Variants in ATP10B observed in about 807,000 individuals in gnomAD.
The protein encoded by ATP10B is phospholipid-transporting ATPase VB.
Under a neutral mutation model 141.2 loss-of-function variants are expected in ATP10B, and 122 were observed. The ratio of observed to expected loss-of-function variants is 0.86; its 90% CI spans 0.75 to 1.00. ATP10B has a LOEUF of 1.00. Ranked by LOEUF, ATP10B falls within the 50% of genes least tolerant of loss-of-function variation. The pLI, the probability that ATP10B is intolerant of heterozygous loss-of-function variation, is 0.00. For missense variants in ATP10B, 1,876 were observed against 1,825.3 expected, an observed-to-expected ratio of 1.03 and a Z score of -0.51; for synonymous variants, 685 against 692.0, an observed-to-expected ratio of 0.99 and a Z score of 0.16.
At chr5:160,770,818 T>C (rs1401106950) in intron 2 of ATP10B, among the ~76,000 whole-genome samples, 1 of 152,216 alleles carries the variant, frequency 6.6e-6, no homozygotes, top group Non-Finnish European at 1.5e-5. Flanking sequence ...TAAATAGTAT[T>C]AAGTAAACTA....
intron 2 of ATP10B, among the ~76,000 whole-genome samples, chr5:160,770,939 C>T (rs1021630027): frequency 1.3e-5 from 2 of 152,202 alleles, no homozygotes; most frequent in Admixed American, 1.3e-4. Context: ...ATTGGGTGGA[C>T]ACCATACACT....
chr5:160,609,159 T>C (rs1051483237), intron 18 of ATP10B, among the ~76,000 whole-genome samples: 1 of 152,190 alleles, frequency 6.6e-6, no homozygotes, highest in Non-Finnish European at 1.5e-5. Context: ...ACAGTGTTTC[T>C]TCATCCATGG....
At chr5:160,582,272 C>A (rs1211320289) in intron 24 of ATP10B, among the ~76,000 whole-genome samples, 1 of 152,182 alleles carries the variant, frequency 6.6e-6, no homozygotes, top group East Asian at 1.9e-4. Context: ...TATGTTTTTG[C>A]AGTGGCTGCT....
chr5:160,719,990 A>C (rs994288505), intron 2 of ATP10B, among the ~76,000 whole-genome samples: 1 of 152,216 alleles, frequency 6.6e-6, no homozygotes, highest in African/African-American at 2.4e-5. Context: ...TTGCAGCATC[A>C]ACAAATGGCA....
chr5:160,598,914 G>C lies in ATP10B; in HGVS notation c.3420C>G (p.Thr1140=). 6.2e-7 allele frequency: 1 copy of C among 1,614,178 alleles called. No individual in the cohort carries two copies. The highest frequency in any genetic ancestry group is 1.7e-5 in the Admixed American group (1 of 60,022). Residue 1140 remains threonine (T), a synonymous_variant, in exon 22 of 26, where the codon ACC becomes ACG. Coordinates refer to ENST00000327245, the MANE Select transcript of ATP10B (RefSeq NM_025153.3). ...ATATCATCTGCCAGTAATCAATCAT[G>C]GTGGAGCTGGAGAAACCACAGAAGA... ...YQFFCGFSSS[T]MIDYWQMIFF... is the part of the protein sequence containing the mutation.
At chr5:160,894,105 G>C in the ATP10B span, among the ~76,000 whole-genome samples, 5 of 152,050 alleles carry the variant, frequency 3.3e-5, no homozygotes, top group African/African-American at 1.2e-4. Context: ...GCACAAAAAG[G>C]CTGAAAATTG....
chr5:160,749,271 T>C (rs1561813925), intron 2 of ATP10B, among the ~76,000 whole-genome samples: 1 of 152,188 alleles, frequency 6.6e-6, no homozygotes, highest in South Asian at 2.1e-4. Flanking sequence ...ACAGCTCTGT[T>C]ACACATAAGG....
rs563389499 is a variant in ATP10B, at chr5:160,828,164, T to A, written c.-576+23777A>T. Among the ~76,000 whole-genome samples, 624 of 151,660 alleles carry A rather than the reference T, an allele frequency of 4.1e-3. 5 individuals carry two copies. The highest frequency in any genetic ancestry group is 0.015 in the African/African-American group (596 of 41,040). ...CATAGGCATGGGCAAGGACTTCATG[T>A]CTAAAACACCAAAAGCAATGGCAAC... On this transcript the variant is annotated intron_variant, in intron 1 of 25. Transcript: ENST00000327245.
At chr5:160,752,838 G>C (rs1308019889) in intron 2 of ATP10B, among the ~76,000 whole-genome samples, 1 of 152,142 alleles carries the variant, frequency 6.6e-6, no homozygotes, top group Admixed American at 6.6e-5. Flanking sequence ...AGAACATTTG[G>C]GGTTTCTAAG....
chr5:160,583,892 GT>G (rs1755712258), intron 24 of ATP10B, among the ~76,000 whole-genome samples: 1 of 152,208 alleles, frequency 6.6e-6, no homozygotes, highest in South Asian at 2.1e-4. Flanking sequence ...CCAAGCTGGA[GT>G]GTACCAGGTC....
intron 24 of ATP10B, among the ~76,000 whole-genome samples, chr5:160,582,484 C>G (rs1719374376): frequency 6.6e-6 from 1 of 152,196 alleles, no homozygotes; most frequent in Non-Finnish European, 1.5e-5. Flanking sequence ...TCTCTCCTGG[C>G]TTGTAGGATT....
intron 6 of ATP10B, among the ~76,000 whole-genome samples, chr5:160,680,782 A>T (rs911311538): frequency 9.9e-5 from 15 of 152,222 alleles, no homozygotes; most frequent in Non-Finnish European, 1.9e-4. Flanking sequence ...AGTTAGTACA[A>T]TCCCATCTCT....
At chr5:160,864,018 AAAG>A in the ATP10B span, among the ~76,000 whole-genome samples, 275 of 152,188 alleles carry the variant, frequency 1.8e-3, no homozygotes, top group Non-Finnish European at 2.0e-3. Flanking sequence ...TCAGGCATTC[AAAG>A]AAGAATTGGT....
the ATP10B span, among the ~76,000 whole-genome samples, chr5:160,928,668 G>A: frequency 6.6e-6 from 1 of 152,044 alleles, no homozygotes; most frequent in Non-Finnish European, 1.5e-5. Context: ...GCTTCAATAA[G>A]CTCTCACCAT....
At chr5:160,634,223 A>G in intron 12 of ATP10B, 131 bp downstream of exon 12, 1 of 1,280,238 alleles carries the variant, frequency 7.8e-7, no homozygotes, top group Non-Finnish European at 1.1e-6. Flanking sequence ...ACAGGGATAC[A>G]GGAAGCAACT....
chr5:160,620,292 G>A (rs1758251697), intron 15 of ATP10B, 55 bp downstream of exon 15: 3 of 1,536,844 alleles, frequency 2.0e-6, no homozygotes, highest in East Asian at 2.3e-5. Flanking sequence ...ATTCCACACT[G>A]CTTCTTAAAC....
chr5:160,927,276 C>T, the ATP10B span, among the ~76,000 whole-genome samples: 2 of 152,146 alleles, frequency 1.3e-5, no homozygotes, highest in African/African-American at 4.8e-5. Flanking sequence ...AAAGGGTGCA[C>T]TTTCAGCTTT....
Position 160,818,581 on chromosome 5 carries a change from G to A in ATP10B, c.-575-32778C>T, listed in dbSNP as rs193244234. On this transcript the variant is annotated intron_variant, in intron 1 of 25. Coordinates refer to ENST00000327245, the MANE Select transcript of ATP10B (RefSeq NM_025153.3). ...GTAAACTAGTTCAACCATTGTGGAAGTCAGTGTGGCAATTCCTCAGGGTTC... is the reference window on the plus strand; with the variant it reads ...GTAAACTAGTTCAACCATTGTGGAAATCAGTGTGGCAATTCCTCAGGGTTC... Among the ~76,000 whole-genome samples, 393 of 152,354 alleles carry A rather than the reference G, an allele frequency of 2.6e-3. 1 individual carries two copies. Among genetic ancestry groups the A allele is most frequent in the African/African-American group, 9.0e-3 (376 of 41,582 alleles).
Position 160,634,424 on chromosome 5 carries a change from G to C in ATP10B, c.1311C>G (p.Thr437=), listed in dbSNP as rs759874469. ...IQYIFSDKTG[T]LTENKMVFRR... is the part of the protein sequence containing the mutation. ...GGAACACCATCTTGTTCTCTGTCAG[G>C]GTCCCCGTCTTATCGGAGAAGATGT... The change falls in exon 12 of 26, where the codon ACC becomes ACG. Residue 437 remains threonine, a synonymous_variant. Coordinates refer to ENST00000327245, the MANE Select transcript of ATP10B (RefSeq NM_025153.3). 1.2e-6 allele frequency: 2 copies of C among 1,614,000 alleles called. No individual in the cohort carries two copies. The highest frequency in any genetic ancestry group is 1.7e-6 in the Non-Finnish European group (2 of 1,180,024).
Sources: gnomAD v4.1 joint callset for allele counts (sites outside exome capture counted in the v4.1 genomes callset) on GRCh38, gnomAD v4.1.1 for gene constraint, MANE v1.5 for transcripts, NCBI Gene and HGNC (gene_info 2026-07-23, HGNC 2026-07-21) for gene names.